Variants in FANCC observed in about 807,000 individuals in gnomAD.
FANCC encodes the protein Fanconi anemia group C protein.
Under a neutral mutation model 71.3 loss-of-function variants are expected in FANCC, and 55 were observed. The observed-to-expected ratio is 0.77, with a 90% CI of 0.62 to 0.97. The LOEUF (loss-of-function observed/expected upper bound fraction) is 0.97. Among genes scored for constraint, FANCC ranks in the 50% least tolerant of loss-of-function variants. FANCC has a pLI of 0.00. For missense variants in FANCC, 678 were observed against 670.9 expected, an observed-to-expected ratio of 1.01 and a Z score of -0.12; for synonymous variants, 275 against 244.9, an observed-to-expected ratio of 1.12 and a Z score of -1.15.
At chr9:95,269,866 G>C (rs1050131956) in intron 1 of FANCC, among the ~76,000 whole-genome samples, 1 of 152,122 alleles carries the variant, frequency 6.6e-6, no homozygotes, top group African/African-American at 2.4e-5. Flanking sequence ...AAAGTATAGA[G>C]AAAGAAATAA....
At chr9:95,294,550 A>C (rs1221314530) in intron 1 of FANCC, 14 of 1,542,962 alleles carry the variant, frequency 9.1e-6, no homozygotes, top group Non-Finnish European at 1.1e-5. Flanking sequence ...TTCATCTGAC[A>C]CAGAGACACA....
At chr9:95,244,217 G>T (rs1221062706) in intron 3 of FANCC, among the ~76,000 whole-genome samples, 1 of 152,200 alleles carries the variant, frequency 6.6e-6, no homozygotes, top group African/African-American at 2.4e-5. Context: ...TGCCCCAGCA[G>T]GGGCTCTCCT....
chr9:95,273,980 T>C (rs1014972510), intron 1 of FANCC, among the ~76,000 whole-genome samples: 5 of 152,214 alleles, frequency 3.3e-5, no homozygotes, highest in African/African-American at 1.2e-4. Flanking sequence ...TTTGTGATCT[T>C]TGGATGAAGT....
chr9:95,308,149 C>A (rs912302506), intron 1 of FANCC, among the ~76,000 whole-genome samples: 1 of 152,150 alleles, frequency 6.6e-6, no homozygotes, highest in African/African-American at 2.4e-5. Context: ...TCAAGTACCA[C>A]AATATTTTCA....
intron 1 of FANCC, among the ~76,000 whole-genome samples, chr9:95,263,478 A>ATG (rs144646115): frequency 0.45 from 66,445 of 147,886 alleles, 15,071 homozygotes; most frequent in East Asian, 0.58. Context: ...TTATATATAT[A>ATG]TGTGTGTGTG....
intron 1 of FANCC, among the ~76,000 whole-genome samples, chr9:95,314,552 T>G (rs1231300118): frequency 6.6e-6 from 1 of 151,862 alleles, no homozygotes; most frequent in African/African-American, 2.4e-5. Context: ...CTCGGGAGGC[T>G]GAGGCAGAAG....
chr9:95,120,682 C>T (rs2072805207), intron 10 of FANCC, among the ~76,000 whole-genome samples: 1 of 152,200 alleles, frequency 6.6e-6, no homozygotes, highest in Non-Finnish European at 1.5e-5. Context: ...CCCACCTTGG[C>T]CTCCTAAAGT....
intron 1 of FANCC, among the ~76,000 whole-genome samples, chr9:95,267,039 A>T (rs1201353834): frequency 1.3e-5 from 2 of 152,228 alleles, no homozygotes; most frequent in African/African-American, 4.8e-5. Context: ...TATGAAATCG[A>T]TACGAGACAG....
intron 4 of FANCC, among the ~76,000 whole-genome samples, chr9:95,232,990 A>C (rs1017591253): frequency 2.0e-5 from 3 of 152,158 alleles, no homozygotes; most frequent in Non-Finnish European, 4.4e-5. Context: ...TTGACCAACC[A>C]GTGTGGCCAG....
chr9:95,302,207 A>G (rs1287785189), intron 1 of FANCC, among the ~76,000 whole-genome samples: 2 of 152,174 alleles, frequency 1.3e-5, no homozygotes, highest in African/African-American at 4.8e-5. Flanking sequence ...TGCAGAGCCC[A>G]GCTTTAGGAG....
intron 14 of FANCC, among the ~76,000 whole-genome samples, chr9:95,106,805 C>T (rs139028350): frequency 1.1e-4 from 17 of 152,278 alleles, no homozygotes; most frequent in East Asian, 1.9e-4. Flanking sequence ...TGGCTTCTAC[C>T]GCAGGCTTTG....
At chr9:95,108,950 G>A (rs1222296990) in intron 13 of FANCC, among the ~76,000 whole-genome samples, 1 of 151,246 alleles carries the variant, frequency 6.6e-6, no homozygotes, top group Non-Finnish European at 1.5e-5. Flanking sequence ...CTGTCACCCA[G>A]GCTGGAATGC....
At chr9:95,176,460 G>A (rs925702465) in intron 4 of FANCC, among the ~76,000 whole-genome samples, 5 of 152,176 alleles carry the variant, frequency 3.3e-5, no homozygotes, top group African/African-American at 1.2e-4. Flanking sequence ...TGGGCCATCA[G>A]GACTTCAGTA....
At position 95,208,077 on chromosome 9, in the gene FANCC, CTTTTTTTTTTTTTTTTTTTTTTTTTT is replaced by C. The variant is rs58961733; in HGVS notation, c.345+32546_345+32571del. ...AAATGCCTTCTGCTAATCCAGAAGC[CTTTTTTTTTTTTTTTTTTTTTTTTTT>C]TTTTTTTTTTTGTGATGGAGTTTTT... On this transcript the variant is annotated intron_variant, in intron 4 of 14. Transcript: ENST00000289081. Among the ~76,000 whole-genome samples the C allele has an allele frequency of 1.3e-4, 6 of 47,656 alleles. No homozygotes were observed. In the East Asian group the frequency reaches 3.2e-3, roughly 25 times the overall value. The allele number at this position is 47,656 out of a possible 152,430, so 31.3% of individuals were successfully genotyped here. A position where few individuals can be genotyped will look rare whatever the true frequency, so the allele number is the denominator to read the frequency against.
chr9:95,310,003 T>C (rs1564847521), intron 1 of FANCC, among the ~76,000 whole-genome samples: 1 of 152,120 alleles, frequency 6.6e-6, no homozygotes, highest in Admixed American at 6.5e-5. Flanking sequence ...CTGGGAAATG[T>C]GAGGGAAGAT....
chr9:95,253,839 C>T (rs1273582256), intron 1 of FANCC, among the ~76,000 whole-genome samples: 1 of 152,126 alleles, frequency 6.6e-6, no homozygotes, highest in Non-Finnish European at 1.5e-5. Flanking sequence ...AGAAACTGTT[C>T]CACTTCAGAT....
intron 1 of FANCC, among the ~76,000 whole-genome samples, chr9:95,275,125 G>T (rs984645270): frequency 1.5e-3 from 222 of 144,934 alleles, no homozygotes; most frequent in South Asian, 7.3e-3. Flanking sequence ...AAAAAAAAAA[G>T]AAAAATAAAT....
chr9:95,215,604 ACT>A (rs1588294392), intron 4 of FANCC, among the ~76,000 whole-genome samples: 1 of 152,078 alleles, frequency 6.6e-6, no homozygotes, highest in South Asian at 2.1e-4. Flanking sequence ...GTACAGTATA[ACT>A]CTGTGATTTC....
intron 6 of FANCC, among the ~76,000 whole-genome samples, chr9:95,162,735 G>A (rs1365632304): frequency 6.6e-6 from 1 of 152,094 alleles, no homozygotes; most frequent in Admixed American, 6.5e-5. Flanking sequence ...CTTTTCATAT[G>A]CTTGTTGGTC....
Sources: gnomAD v4.1 joint callset for allele counts (sites outside exome capture counted in the v4.1 genomes callset) on GRCh38, gnomAD v4.1.1 for gene constraint, MANE v1.5 for transcripts, NCBI Gene and HGNC (gene_info 2026-07-23, HGNC 2026-07-21) for gene names.